CD302: variants seen among roughly 807,000 people sequenced by gnomAD.
CD302 encodes CD302 antigen.
A neutral mutation model predicts 26.5 loss-of-function variants in CD302; 23 were observed. That is an observed-to-expected ratio of 0.87 (90% CI 0.62 to 1.23). The LOEUF is 1.23. CD302 is among the 50% of genes most tolerant of loss of function. CD302 has a pLI of 0.00. For missense variants in CD302, 290 were observed against 275.5 expected, an observed-to-expected ratio of 1.05 and a Z score of -0.37; for synonymous variants, 90 against 99.4, an observed-to-expected ratio of 0.91 and a Z score of 0.56.
At chr2:159,777,385 A>G (rs1708367008) in intron 5 of CD302, among the ~76,000 whole-genome samples, 1 of 152,370 alleles carries the variant, frequency 6.6e-6, no homozygotes, top group African/African-American at 2.4e-5. Flanking sequence ...TGGGATGAAC[A>G]TGGAGCAAAT....
chr2:159,791,141 A>T (rs1708796625), intron 1 of CD302, among the ~76,000 whole-genome samples: 1 of 152,212 alleles, frequency 6.6e-6, no homozygotes, highest in Non-Finnish European at 1.5e-5. Context: ...TCCTTTGAAC[A>T]TCTGTAGGAC....
chr2:159,776,519 CAA>C (rs914146324), intron 5 of CD302, among the ~76,000 whole-genome samples: 6 of 152,088 alleles, frequency 3.9e-5, no homozygotes, highest in African/African-American at 1.4e-4. Flanking sequence ...ATTCCTACCA[CAA>C]GAGTTCCAAT....
chr2:159,797,387 T>G (rs1427343167), intron 1 of CD302, among the ~76,000 whole-genome samples: 1 of 152,204 alleles, frequency 6.6e-6, no homozygotes, highest in East Asian at 1.9e-4. Flanking sequence ...CATCCACATA[T>G]TTTTGACATG....
chr2:159,795,903 C>G (rs1444733502), intron 1 of CD302, among the ~76,000 whole-genome samples: 1 of 152,212 alleles, frequency 6.6e-6, no homozygotes, highest in East Asian at 1.9e-4. Context: ...TCAGCTCATG[C>G]CAGGCATAGG....
In CD302 at chr2:159,798,121, T is replaced by TA; in HGVS notation, c.67+10dup. The TA allele has an allele frequency of 7.4e-6, 11 of 1,492,764 alleles. No individual in the cohort carries two copies. Among genetic ancestry groups the TA allele is most frequent in the Non-Finnish European group, 9.8e-6 (11 of 1,127,028 alleles). The allele number at this position is 1,492,764 out of a possible 1,614,324, so 92.5% of individuals were successfully genotyped here. A position where few individuals can be genotyped will look rare whatever the true frequency, so the allele number is the denominator to read the frequency against. The stretch of plus-strand genomic sequence containing the variant: ...CGCACGGTCCCGGCGAGGGACTACG[T>TA]AAGGGCTTACCCGCGACGGCAGCAG... On this transcript the variant is annotated intron_variant, in intron 1 of 5. Coordinates refer to ENST00000259053, the MANE Select transcript of CD302 (RefSeq NM_014880.5).
rs1213926792 is a variant in CD302 at position 159,768,735 on chromosome 2, T to A, written c.*3116A>T. On this transcript the variant is annotated 3_prime_UTR_variant, in exon 6 of 6. Transcript: ENST00000259053. ...GCCAGTTACCTTTGCATTGTCTGTC[T>A]TAAAGCAAAAATATAAAATTTAAGG... 6.6e-6 allele frequency: 1 copy of A among 152,488 alleles called. No individual in the cohort carries two copies. 9.4% of individuals were successfully genotyped at this position (152,488 alleles called of 1,614,324 possible).
chr2:159,794,518 A>AT lies in CD302; in HGVS notation c.67+3613dup, dbSNP rs1189886177. 6.9e-4 allele frequency among the ~76,000 whole-genome samples: 15 copies of AT among 21,696 alleles called. No homozygotes were observed. The South Asian group carries it at 0.01, about 15-fold the overall frequency. The allele number at this position is 21,696 out of a possible 152,430, so 14.2% of individuals were successfully genotyped here. ...AATAAACATTAACATTTCAAAATTA[A>AT]TTAATTTATTTATTTATTTATTTAT... On this transcript the variant is annotated intron_variant, in intron 1 of 5. Transcript: ENST00000259053.
chr2:159,773,815 G>C (rs753943811), intron 5 of CD302, among the ~76,000 whole-genome samples: 5 of 152,112 alleles, frequency 3.3e-5, no homozygotes, highest in Non-Finnish European at 5.9e-5. Flanking sequence ...AAGGTCCATT[G>C]CTTGCTTGAC....
chr2:159,775,636 T>TAAAG (rs1196858051), intron 5 of CD302, among the ~76,000 whole-genome samples: 3 of 152,210 alleles, frequency 2.0e-5, no homozygotes, highest in African/African-American at 7.2e-5. Flanking sequence ...AAATGTAATT[T>TAAAG]AAAGAAATAC....
chr2:159,784,963 C>G (rs1201335673), intron 1 of CD302, among the ~76,000 whole-genome samples: 2 of 142,666 alleles, frequency 1.4e-5, no homozygotes, highest in South Asian at 4.5e-4. Flanking sequence ...CTCCCTGTAT[C>G]CGTACAGACT....
chr2:159,770,541 T>TAA lies in CD302; in HGVS notation c.*1308_*1309dup, dbSNP rs1708109882. 1.3e-5 allele frequency: 2 copies of TAA among 152,184 alleles called. No homozygotes were observed. Among genetic ancestry groups the TAA allele is most frequent in the Non-Finnish European group, 2.9e-5 (2 of 68,030 alleles). The allele number at this position is 152,184 out of a possible 1,614,324, so 9.4% of individuals were successfully genotyped here. A position where few individuals can be genotyped will look rare whatever the true frequency, so the allele number is the denominator to read the frequency against. On this transcript the variant is annotated 3_prime_UTR_variant, in exon 6 of 6. Transcript: ENST00000259053. ...TCTATCTCCCCAGAAGAAAGTAAGA[T>TAA]AATTGATGGGGTGTGGATTCAGAAG...
intron 1 of CD302, among the ~76,000 whole-genome samples, chr2:159,789,252 T>C (rs763573943): frequency 2.0e-5 from 3 of 152,072 alleles, no homozygotes; most frequent in South Asian, 2.1e-4. Flanking sequence ...TCCTCCTACC[T>C]TGGCCTCCCA....
chr2:159,788,121 A>G (rs1708716972), intron 1 of CD302, among the ~76,000 whole-genome samples: 1 of 152,142 alleles, frequency 6.6e-6, no homozygotes, highest in Admixed American at 6.5e-5. Flanking sequence ...AAAAAAAAGA[A>G]AAAGAAAAAA....
chr2:159,783,647 A>G (rs1352840459), intron 1 of CD302, among the ~76,000 whole-genome samples, 178 bp from the exon 2 acceptor site: 1 of 152,210 alleles, frequency 6.6e-6, no homozygotes, highest in Non-Finnish European at 1.5e-5. Context: ...TCTCTCCATT[A>G]TTCATACGGG....
chr2:159,788,893 T>C (rs771097225), intron 1 of CD302, among the ~76,000 whole-genome samples: 1 of 152,196 alleles, frequency 6.6e-6, no homozygotes, highest in Non-Finnish European at 1.5e-5. Flanking sequence ...ATGTTAGACT[T>C]TTTACCATGT....
rs1366274083 is a variant in CD302 at position 159,768,694 on chromosome 2, C to T, written c.*3157G>A. On this transcript the variant is annotated 3_prime_UTR_variant, in exon 6 of 6. Transcript: ENST00000259053. ...AAGCAATAATATAAATGTTCTAAAA[C>T]ATTTGCTCACCTCTTGCCAGTTACC... The T allele has an allele frequency of 2.0e-5, 3 of 152,546 alleles. No homozygotes were observed. Among genetic ancestry groups the T allele is most frequent in the Non-Finnish European group, 4.4e-5 (3 of 68,002 alleles). The allele number at this position is 152,546 out of a possible 1,614,324, so 9.4% of individuals were successfully genotyped here.
intron 1 of CD302, among the ~76,000 whole-genome samples, chr2:159,788,991 T>G (rs1442251070): frequency 1.3e-5 from 2 of 151,496 alleles, no homozygotes; most frequent in Non-Finnish European, 2.9e-5. Flanking sequence ...CACTCTTAAG[T>G]TGTAACTTAA....
At chr2:159,787,458 G>A (rs1156543071) in intron 1 of CD302, among the ~76,000 whole-genome samples, 1 of 150,852 alleles carries the variant, frequency 6.6e-6, no homozygotes, top group Admixed American at 6.6e-5. Context: ...TTTTCTTTTA[G>A]CTTGTTAATT....
At position 159,771,770 on chromosome 2, in the gene CD302, T is replaced by G; in HGVS notation, c.*81A>C. On this transcript the variant is annotated 3_prime_UTR_variant, in exon 6 of 6. Coordinates refer to ENST00000259053, the MANE Select transcript of CD302 (RefSeq NM_014880.5). The stretch of plus-strand genomic sequence containing the variant: ...ACCATTAAAGCTCTAATATCCAATG[T>G]CAAGTTTTATATTAAAATCTTTCCC... 2 of 1,476,148 alleles carry G rather than the reference T, an allele frequency of 1.4e-6. No individual in the cohort carries two copies. Among genetic ancestry groups the G allele is most frequent in the Non-Finnish European group, 1.9e-6 (2 of 1,077,540 alleles). The allele number at this position is 1,476,148 out of a possible 1,614,324, so 91.4% of individuals were successfully genotyped here. A position where few individuals can be genotyped will look rare whatever the true frequency, so the allele number is the denominator to read the frequency against.
Sources: gnomAD v4.1 joint callset for allele counts (sites outside exome capture counted in the v4.1 genomes callset) on GRCh38, gnomAD v4.1.1 for gene constraint, MANE v1.5 for transcripts, NCBI Gene and HGNC (gene_info 2026-07-23, HGNC 2026-07-21) for gene names.